Variants in DRGX observed in about 807,000 individuals in gnomAD.
DRGX encodes dorsal root ganglia homeobox protein.
In DRGX, 21 loss-of-function variants were observed where a neutral mutation model predicts 28.6. The ratio of observed to expected loss-of-function variants is 0.73; its 90% CI spans 0.52 to 1.06. The LOEUF is 1.06. Ranked by LOEUF, DRGX falls within the 50% of genes least tolerant of loss-of-function variation. DRGX has a pLI of 0.00. For missense variants in DRGX, 354 were observed against 343.9 expected, an observed-to-expected ratio of 1.03 and a Z score of -0.23; for synonymous variants, 136 against 139.1, an observed-to-expected ratio of 0.98 and a Z score of 0.16.
At chr10:49,376,625 G>A (rs1015606604) in intron 6 of DRGX, among the ~76,000 whole-genome samples, 4 of 152,188 alleles carry the variant, frequency 2.6e-5, no homozygotes, top group Non-Finnish European at 5.9e-5. Context: ...AGGTGGATTT[G>A]GATGTGCCAG....
chr10:49,366,099 C>A lies in DRGX; in HGVS notation c.*17G>T, dbSNP rs781071913. The A allele has an allele frequency of 6.5e-7, 1 of 1,528,754 alleles. No individual in the cohort carries two copies. Among genetic ancestry groups the A allele is most frequent in the Non-Finnish European group, 8.8e-7 (1 of 1,133,932 alleles). 94.7% of individuals were successfully genotyped at this position (1,528,754 alleles called of 1,614,324 possible). On this transcript the variant is annotated 3_prime_UTR_variant, in exon 7 of 7. Coordinates refer to ENST00000374139, the MANE Select transcript of DRGX (RefSeq NM_001276451.2). ...GAGGGGCGGGGGAGGGCAGGCCGGG[C>A]GGGGCACTGTGGACCCTCATACACT... is the stretch of plus-strand genomic sequence containing the variant.
intron 6 of DRGX, among the ~76,000 whole-genome samples, chr10:49,384,929 G>A (rs182781325): frequency 6.6e-6 from 1 of 152,304 alleles, no homozygotes; most frequent in African/African-American, 2.4e-5. Flanking sequence ...ATTTGTAAAA[G>A]AGAAGATGAC....
At chr10:49,367,135 C>T (rs537793312) in intron 6 of DRGX, among the ~76,000 whole-genome samples, 1 of 152,230 alleles carries the variant, frequency 6.6e-6, no homozygotes, top group East Asian at 1.9e-4. Context: ...GTAGGAGGAT[C>T]GACTGAGCAC....
intron 4 of DRGX, among the ~76,000 whole-genome samples, chr10:49,388,308 T>A (rs1161250995): frequency 6.6e-6 from 1 of 152,156 alleles, no homozygotes; most frequent in Non-Finnish European, 1.5e-5. Context: ...AAAAAAGAAA[T>A]GCTTGGCAAG....
At chr10:49,388,612 G>A (rs537285595) in intron 4 of DRGX, among the ~76,000 whole-genome samples, 11 of 152,334 alleles carry the variant, frequency 7.2e-5, no homozygotes, top group African/African-American at 1.9e-4. Flanking sequence ...GAAGGTCACA[G>A]CTATAACAAC....
chr10:49,390,442 C>T (rs140133298), intron 3 of DRGX, among the ~76,000 whole-genome samples: 404 of 152,244 alleles, frequency 2.7e-3, no homozygotes, highest in Non-Finnish European at 5.0e-3. Context: ...TACTAGCAAC[C>T]TCAGTGCTCT....
intron 6 of DRGX, among the ~76,000 whole-genome samples, chr10:49,368,794 A>G (rs1238419812): frequency 6.6e-6 from 1 of 152,260 alleles, no homozygotes; most frequent in Non-Finnish European, 1.5e-5. Context: ...TTTTTCTACA[A>G]TGAAAATGAA....
intron 2 of DRGX, 24 bp from the exon 3 acceptor site, chr10:49,391,285 C>G (rs1172637615): frequency 6.2e-7 from 1 of 1,601,688 alleles, no homozygotes; most frequent in East Asian, 2.3e-5. Flanking sequence ...ACTGATCAAC[C>G]TGGGCAGGAA....
intron 6 of DRGX, among the ~76,000 whole-genome samples, chr10:49,376,414 C>T (rs1304792677): frequency 6.6e-6 from 1 of 152,170 alleles, no homozygotes; most frequent in Non-Finnish European, 1.5e-5. Context: ...GACTGTGTTG[C>T]TTTCCTGGAG....
chr10:49,390,286 G>A (rs902320596), intron 3 of DRGX, 52 bp from the exon 4 acceptor site: 1 of 1,459,964 alleles, frequency 6.8e-7, no homozygotes, highest in Non-Finnish European at 9.4e-7. Context: ...TAGGTGAGGG[G>A]AAGCAGATGC....
intron 6 of DRGX, among the ~76,000 whole-genome samples, chr10:49,370,948 G>A (rs534800698): frequency 1.3e-5 from 2 of 152,154 alleles, no homozygotes; most frequent in African/African-American, 2.4e-5. Flanking sequence ...CTTCTCTCTT[G>A]TGTGATGGTC....
chr10:49,392,058 T>G (rs1362575699), intron 2 of DRGX, among the ~76,000 whole-genome samples: 1 of 152,242 alleles, frequency 6.6e-6, no homozygotes, highest in Non-Finnish European at 1.5e-5. Flanking sequence ...AAGCTCGTTA[T>G]AAACGCAGAA....
At chr10:49,367,379 TAAAAAGAAAAAG>T (rs148559269) in intron 6 of DRGX, among the ~76,000 whole-genome samples, 1 of 151,346 alleles carries the variant, frequency 6.6e-6, no homozygotes, top group African/African-American at 2.4e-5. Flanking sequence ...ATAATAACAT[TAAAAAGAAAAAG>T]AAAAAGAAAA....
intron 2 of DRGX, among the ~76,000 whole-genome samples, chr10:49,392,899 G>GA (rs1849925361): frequency 6.6e-6 from 1 of 152,056 alleles, no homozygotes; most frequent in African/African-American, 2.4e-5. Flanking sequence ...ACATTTTGAA[G>GA]AAAAAATGAG....
Position 49,364,569 on chromosome 10 carries a change from A to T in DRGX, c.*1547T>A, listed in dbSNP as rs1211403800. 6.6e-6 allele frequency: 1 copy of T among 152,190 alleles called. No homozygotes were observed. The highest frequency in any genetic ancestry group is 1.5e-5 in the Non-Finnish European group (1 of 68,032). The allele number at this position is 152,190 out of a possible 1,614,324, so 9.4% of individuals were successfully genotyped here. A position where few individuals can be genotyped will look rare whatever the true frequency, so the allele number is the denominator to read the frequency against. On this transcript the variant is annotated 3_prime_UTR_variant, in exon 7 of 7. Coordinates refer to ENST00000374139, the MANE Select transcript of DRGX (RefSeq NM_001276451.2). ...TTGAGCTTACATCCTTCAACCAAAC[A>T]TTCGTAATTACAGGGAAACGGAAGC...
chr10:49,382,692 T>A (rs1295802567), intron 6 of DRGX, among the ~76,000 whole-genome samples: 3 of 152,118 alleles, frequency 2.0e-5, no homozygotes, highest in Non-Finnish European at 4.4e-5. Context: ...TCACCCTACC[T>A]CTGGGCACTC....
intron 6 of DRGX, among the ~76,000 whole-genome samples, chr10:49,379,179 G>T (rs1353554050): frequency 6.6e-6 from 1 of 152,126 alleles, no homozygotes; most frequent in East Asian, 1.9e-4. Context: ...AAACTAACTG[G>T]TACAGTGTTT....
intron 2 of DRGX, among the ~76,000 whole-genome samples, chr10:49,394,130 G>T (rs1409861155): frequency 6.6e-6 from 1 of 152,100 alleles, no homozygotes; most frequent in Non-Finnish European, 1.5e-5. Context: ...AACCCACCCT[G>T]CATGGGAACT....
At chr10:49,395,099 A>T (rs1849951250) in intron 2 of DRGX, among the ~76,000 whole-genome samples, 1 of 152,218 alleles carries the variant, frequency 6.6e-6, no homozygotes, top group Admixed American at 6.5e-5. Context: ...TGGGTTGCGG[A>T]GCCCCAATTA....
Sources: gnomAD v4.1 joint callset for allele counts (sites outside exome capture counted in the v4.1 genomes callset) on GRCh38, gnomAD v4.1.1 for gene constraint, MANE v1.5 for transcripts, NCBI Gene and HGNC (gene_info 2026-07-23, HGNC 2026-07-21) for gene names.